EHBP1: variants seen among roughly 807,000 people sequenced by gnomAD.
EHBP1 encodes the protein EH domain-binding protein 1.
EHBP1 carries 55 observed loss-of-function variants against 144.0 expected under a neutral mutation model. The observed-to-expected ratio is 0.38, with a 90% CI of 0.31 to 0.48. The LOEUF is 0.48. Ranked by LOEUF, EHBP1 falls within the 20% of genes least tolerant of loss-of-function variation. EHBP1 has a pLI of 0.98. For synonymous variants in EHBP1, 469 were observed against 472.7 expected, an observed-to-expected ratio of 0.99 and a Z score of 0.10; for missense variants, 1,200 against 1,364.2, an observed-to-expected ratio of 0.88 and a Z score of 1.90.
At chr2:62,752,202 C>G (rs925614297) in intron 3 of EHBP1, among the ~76,000 whole-genome samples, 2 of 152,194 alleles carry the variant, frequency 1.3e-5, no homozygotes, top group Non-Finnish European at 2.9e-5. Flanking sequence ...TCATTGGTTT[C>G]AAAGAACATC....
chr2:63,044,240 A>G (rs1232834396), intron 21 of EHBP1: 2 of 117,716 alleles, frequency 1.7e-5, no homozygotes, highest in African/African-American at 6.6e-5. Flanking sequence ...TAGGAAATAT[A>G]TTATTGGGGT....
At chr2:63,016,195 C>G (rs565251117) in intron 19 of EHBP1, among the ~76,000 whole-genome samples, 2 of 152,194 alleles carry the variant, frequency 1.3e-5, no homozygotes, top group South Asian at 4.2e-4. Flanking sequence ...TTGATAGACT[C>G]TAAGAGTTGA....
At chr2:62,863,834 TGTG>T (rs1558815427) in intron 8 of EHBP1, among the ~76,000 whole-genome samples, 1 of 113,878 alleles carries the variant, frequency 8.8e-6, no homozygotes, top group African/African-American at 3.1e-5. Context: ...TTTATTTTTC[TGTG>T]TTGTTTTTTT....
chr2:62,968,555 T>G (rs2058349569), intron 14 of EHBP1, among the ~76,000 whole-genome samples: 1 of 152,162 alleles, frequency 6.6e-6, no homozygotes, highest in African/African-American at 2.4e-5. Context: ...GATGTCATAC[T>G]TTTGAAGGGT....
intron 2 of EHBP1, among the ~76,000 whole-genome samples, chr2:62,741,966 A>G: frequency 6.6e-6 from 1 of 152,152 alleles, no homozygotes; most frequent in African/African-American, 2.4e-5. Context: ...GTCCCATGAG[A>G]TTATAATACT....
chr2:63,039,070 A>C (rs2061558401), intron 21 of EHBP1, among the ~76,000 whole-genome samples: 2 of 152,222 alleles, frequency 1.3e-5, no homozygotes, highest in African/African-American at 4.8e-5. Context: ...TTATATGTCC[A>C]TAAAATGGAA....
intron 10 of EHBP1, among the ~76,000 whole-genome samples, chr2:62,913,709 C>A (rs1380669448): frequency 6.6e-6 from 1 of 152,048 alleles, no homozygotes; most frequent in Non-Finnish European, 1.5e-5. Flanking sequence ...ACATTTTATC[C>A]AAAGTGGAAA....
chr2:62,779,888 A>G (rs1294378192), intron 5 of EHBP1, among the ~76,000 whole-genome samples: 5 of 152,172 alleles, frequency 3.3e-5, no homozygotes, highest in Non-Finnish European at 7.4e-5. Flanking sequence ...TCCCGGCTCA[A>G]TAATCTTCAG....
chr2:62,686,339 G>T (rs993668848), intron 1 of EHBP1, among the ~76,000 whole-genome samples: 1 of 152,216 alleles, frequency 6.6e-6, no homozygotes, highest in African/African-American at 2.4e-5. Context: ...CGACAAGTTA[G>T]TGTTAATGCT....
At chr2:62,836,316 G>A (rs1480287201) in intron 7 of EHBP1, among the ~76,000 whole-genome samples, 108 of 149,586 alleles carry the variant, frequency 7.2e-4, no homozygotes, top group Middle Eastern at 7.1e-3. Context: ...AAACAGAAAG[G>A]ACATCCACAC....
At chr2:62,980,869 T>A (rs922317640) in intron 15 of EHBP1, among the ~76,000 whole-genome samples, 9 of 148,002 alleles carry the variant, frequency 6.1e-5, no homozygotes, top group Admixed American at 2.7e-4. Context: ...TTTTTTTTTT[T>A]AAATCATTGC....
At chr2:62,904,158 A>C (rs2053624944) in intron 10 of EHBP1, among the ~76,000 whole-genome samples, 1 of 152,222 alleles carries the variant, frequency 6.6e-6, no homozygotes, top group African/African-American at 2.4e-5. Flanking sequence ...GTGGAACTTT[A>C]GAGAAAGGAA....
rs192458755 is a variant in EHBP1, at chr2:62,753,374, A to G, written c.162+5922A>G. ...TAGAGTTTCTGCCGAGAGATCTGCT[A>G]TTAGTCTGATGGGCTTCCCTTTGTG... On this transcript the variant is annotated intron_variant, in intron 3 of 22. Coordinates refer to ENST00000431489, the MANE Select transcript of EHBP1 (RefSeq NM_001142616.3). 2.0e-3 allele frequency among the ~76,000 whole-genome samples: 297 copies of G among 152,174 alleles called. 4 individuals carry two copies. Among genetic ancestry groups the G allele is most frequent in the South Asian group, 0.012 (60 of 4,816 alleles).
intron 14 of EHBP1, among the ~76,000 whole-genome samples, chr2:62,971,744 C>T (rs936261791): frequency 6.6e-6 from 1 of 152,144 alleles, no homozygotes; most frequent in African/African-American, 2.4e-5. Flanking sequence ...CATGTGTGAG[C>T]ACACAGGGCA....
rs976812650 is a variant in EHBP1, at chr2:62,979,453, T to C, written c.2608+118T>C. On this transcript the variant is annotated intron_variant, in intron 15 of 22. Coordinates refer to ENST00000431489, the MANE Select transcript of EHBP1 (RefSeq NM_001142616.3). The stretch of plus-strand genomic sequence containing the variant: ...TCAAAAATATAAAGCTTCTAACCTA[T>C]TGATATGTTGCAAAACACCTAAAGG... 9.4e-6 allele frequency: 10 copies of C among 1,062,446 alleles called. No homozygotes were observed. The South Asian group carries it at 1.4e-4, about 15-fold the overall frequency. The allele number at this position is 1,062,446 out of a possible 1,614,324, so 65.8% of individuals were successfully genotyped here.
intron 10 of EHBP1, among the ~76,000 whole-genome samples, chr2:62,922,724 G>C (rs948129666): frequency 3.3e-5 from 5 of 152,172 alleles, no homozygotes; most frequent in African/African-American, 1.2e-4. Context: ...CAGCAGTGGA[G>C]TGGAGAAACA....
chr2:63,045,152 G>C lies in EHBP1; in HGVS notation c.3364G>C (p.Val1122Leu), dbSNP rs891274167. ...VALVNKRDAL[V>L]RDLDAQEKQA... ...CCTGGTGAACAAGCGCGATGCGCTC[G>C]TCAGGGACCTGGACGCGCAGGAGAA... Residue 1122 changes from valine to leucine, a missense_variant, in exon 22 of 23, where the codon GTC becomes CTC. By Grantham distance (32) the Val-to-Leu change is conservative. Transcript: ENST00000431489. This position sits in a 1 kb window ranked among gnomAD's most constrained non-coding sequence, Gnocchi z 5.7. 4 of 1,594,890 alleles carry C rather than the reference G, an allele frequency of 2.5e-6. No individual in the cohort carries two copies. Among genetic ancestry groups the C allele is most frequent in the Non-Finnish European group, 8.5e-7 (1 of 1,170,290 alleles).
rs539749573 is a variant in EHBP1 at position 62,990,832 on chromosome 2, G to T, written c.2725G>T (p.Asp909Tyr). 5 of 1,612,320 alleles carry T rather than the reference G, an allele frequency of 3.1e-6. No individual in the cohort carries two copies. The South Asian group carries it at 4.4e-5, about 14-fold the overall frequency. The change falls in exon 16 of 23, where the codon GAC (aspartate) becomes TAC (tyrosine). Residue 909 changes from aspartate to tyrosine, a missense_variant. By Grantham distance (160) the Asp-to-Tyr change is radical (BLOSUM62 -3). Transcript: ENST00000431489. ...QKAVTESSEQ[D>Y]MKSGTEDLRT... Reference sequence around the variant, plus strand: ...AGCTGTAACTGAGAGCTCAGAGCAGGACATGAAAGTAAGTCTTACTTGTTT... The same window carrying T: ...AGCTGTAACTGAGAGCTCAGAGCAGTACATGAAAGTAAGTCTTACTTGTTT...
intron 15 of EHBP1, among the ~76,000 whole-genome samples, chr2:62,989,509 A>G (rs539030729): frequency 1.3e-5 from 2 of 152,288 alleles, no homozygotes; most frequent in South Asian, 4.1e-4. Flanking sequence ...AAGATGGGTT[A>G]ATTTTAATCC....
Sources: gnomAD v4.1 joint callset for allele counts (sites outside exome capture counted in the v4.1 genomes callset) on GRCh38, gnomAD v4.1.1 for gene constraint, Gnocchi (gnomAD v3.1) non-coding constraint, MANE v1.5 for transcripts, NCBI Gene and HGNC (gene_info 2026-07-23, HGNC 2026-07-21) for gene names.